The following TMEM272 variants were observed in gnomAD, a reference collection of about 807,000 sequenced individuals.
The protein encoded by TMEM272 is long intergenic non-protein coding RNA 282.
In TMEM272, 8 loss-of-function variants were observed where a neutral mutation model predicts 3.7. The observed-to-expected ratio is 2.17, with a 90% CI of 1.27 to 3.91. The LOEUF (loss-of-function observed/expected upper bound fraction) is 3.91, where lower values mean the gene tolerates loss of function less well. Ranked by LOEUF, TMEM272 falls within the 30% of genes most tolerant of loss-of-function variation. TMEM272 has a pLI of 0.00. For synonymous variants in TMEM272, 63 were observed against 39.8 expected (o/e 1.58, Z -2.20); for missense variants, 166 against 91.5 (o/e 1.81, Z -3.32).
the TMEM272 span, among the ~76,000 whole-genome samples, chr13:51,852,664 G>T: frequency 1.3e-5 from 2 of 152,142 alleles, no homozygotes; most frequent in African/African-American, 4.8e-5. Flanking sequence ...CAGATCATGA[G>T]GTCAAGAGAT....
At chr13:51,827,562 C>T (rs972273480) in intron 2 of TMEM272, among the ~76,000 whole-genome samples, 4 of 152,040 alleles carry the variant, frequency 2.6e-5, no homozygotes, top group African/African-American at 9.7e-5. Flanking sequence ...TAGGCCTGCC[C>T]CCCAGTTCCC....
At chr13:51,853,036 A>G in the TMEM272 span, among the ~76,000 whole-genome samples, 6 of 152,304 alleles carry the variant, frequency 3.9e-5, no homozygotes, top group South Asian at 1.2e-3. Context: ...ATAGTCAATT[A>G]GCATATGTTT....
At chr13:51,869,528 C>T in the TMEM272 span, among the ~76,000 whole-genome samples, 4 of 148,240 alleles carry the variant, frequency 2.7e-5, no homozygotes, top group Non-Finnish European at 5.9e-5. Flanking sequence ...CTCGCCCTGT[C>T]GCCCAGGCTG....
At position 51,838,490 on chromosome 13, in the gene TMEM272, G is replaced by A; in HGVS notation, c.41C>T (p.Ser14Phe). ...GLEKTCHQCI[S>F]KIASNACFVV... Reference sequence around the variant, plus strand: ...TGACTCACCATTGCTGGCGATTTTAGAAATGCACTGATGACACGTTTTCTC... The same window carrying A: ...TGACTCACCATTGCTGGCGATTTTAAAAATGCACTGATGACACGTTTTCTC... Residue 14 changes from serine to phenylalanine, a missense_variant, in exon 2 of 5, where the codon TCT (serine) becomes TTT (phenylalanine). Ser to Phe is a radical substitution (Grantham distance 155, BLOSUM62 -2). Coordinates refer to ENST00000629372, the MANE Select transcript of TMEM272 (RefSeq NM_001351003.2). 1 of 703,024 alleles carries A rather than the reference G, an allele frequency of 1.4e-6. No individual in the cohort carries two copies. Among genetic ancestry groups the A allele is most frequent in the Non-Finnish European group, 2.6e-6 (1 of 385,014 alleles). The allele number at this position is 703,024 out of a possible 1,614,324, so 43.5% of individuals were successfully genotyped here. A position where few individuals can be genotyped will look rare whatever the true frequency, so the allele number is the denominator to read the frequency against.
chr13:51,835,613 A>G (rs1412730147), intron 2 of TMEM272, among the ~76,000 whole-genome samples: 2 of 152,226 alleles, frequency 1.3e-5, no homozygotes, highest in Non-Finnish European at 2.9e-5. Flanking sequence ...TTTAGAAGTC[A>G]TTTGAAAGGA....
the TMEM272 span, among the ~76,000 whole-genome samples, chr13:51,861,330 AAG>A: frequency 1.3e-5 from 2 of 152,126 alleles, no homozygotes; most frequent in East Asian, 1.9e-4. Context: ...GATTTTTGCT[AAG>A]AGAGTAGATT....
At chr13:51,909,364 G>A in the TMEM272 span, 1 of 874,250 alleles carries the variant, frequency 1.1e-6, no homozygotes, top group Non-Finnish European at 1.9e-6. Flanking sequence ...TCAGTGGCAT[G>A]GCTGATCATT....
chr13:51,835,449 C>T (rs1372880862), intron 2 of TMEM272, among the ~76,000 whole-genome samples: 1 of 152,150 alleles, frequency 6.6e-6, no homozygotes, highest in Non-Finnish European at 1.5e-5. Flanking sequence ...TGGTCTCGAT[C>T]TCTTGACGTC....
upstream of TMEM272, among the ~76,000 whole-genome samples, chr13:51,847,596 A>AC (rs1956313203): frequency 6.6e-6 from 1 of 152,126 alleles, no homozygotes; most frequent in African/African-American, 2.4e-5. Flanking sequence ...CAGAACATAT[A>AC]CCCATGGTTC....
chr13:51,915,141 C>T, the TMEM272 span, among the ~76,000 whole-genome samples: 1 of 152,196 alleles, frequency 6.6e-6, no homozygotes, highest in Non-Finnish European at 1.5e-5. Flanking sequence ...AACCAATACA[C>T]TTCTGCAATA....
At chr13:51,861,484 C>A in the TMEM272 span, among the ~76,000 whole-genome samples, 1 of 151,882 alleles carries the variant, frequency 6.6e-6, no homozygotes, top group Non-Finnish European at 1.5e-5. Context: ...GATTCAACAG[C>A]ATATTTGAAC....
chr13:51,888,639 C>CTTTTTTTTTTTTTTTTTTTTTTTTTTTTT, the TMEM272 span, among the ~76,000 whole-genome samples: 9 of 76,794 alleles, frequency 1.2e-4, no homozygotes, highest in Admixed American at 1.9e-4. Flanking sequence ...TTTTCTTTTT[C>CTTTTTTTTTTTTTTTTTTTTTTTTTTTTT]TTTTTTTTTT....
At chr13:51,888,186 C>A in the TMEM272 span, among the ~76,000 whole-genome samples, 1 of 151,790 alleles carries the variant, frequency 6.6e-6, no homozygotes, top group East Asian at 2.0e-4. Flanking sequence ...GCTGGGATTA[C>A]AGGCACCCAC....
chr13:51,891,040 G>A, the TMEM272 span, among the ~76,000 whole-genome samples: 3 of 152,266 alleles, frequency 2.0e-5, no homozygotes, highest in South Asian at 2.1e-4. Flanking sequence ...TTTTTTAGGA[G>A]GGCTGTGACA....
chr13:51,912,376 G>A, the TMEM272 span, among the ~76,000 whole-genome samples: 1 of 152,122 alleles, frequency 6.6e-6, no homozygotes, highest in African/African-American at 2.4e-5. Context: ...TCACGTGGGG[G>A]CAGCAGCCTC....
At chr13:51,826,705 C>T (rs1956128792) in intron 2 of TMEM272, 80 bp from the exon 3 acceptor site, 1 of 695,678 alleles carries the variant, frequency 1.4e-6, no homozygotes, top group Non-Finnish European at 2.6e-6. Context: ...GTTTCTTAAG[C>T]ATCCTGTGAA....
chr13:51,838,715 G>A (rs947478341), intron 1 of TMEM272, among the ~76,000 whole-genome samples, 162 bp from the exon 2 acceptor site: 3 of 152,002 alleles, frequency 2.0e-5, no homozygotes, highest in Admixed American at 6.6e-5. Flanking sequence ...AGTGGTTAGC[G>A]GGGCTGAGAA....
chr13:51,906,908 G>C, the TMEM272 span, among the ~76,000 whole-genome samples: 1 of 152,250 alleles, frequency 6.6e-6, no homozygotes, highest in East Asian at 1.9e-4. Flanking sequence ...GAATGAGCTG[G>C]AACTCACTTC....
the TMEM272 span, chr13:51,908,359 C>A: frequency 2.7e-6 from 4 of 1,493,926 alleles, no homozygotes; most frequent in Non-Finnish European, 2.8e-6. Flanking sequence ...GGAGGAAAAC[C>A]CCTCGGTGGA....
Sources: allele counts gnomAD v4.1 joint callset (sites outside exome capture counted in the v4.1 genomes callset), GRCh38; gene constraint gnomAD v4.1.1; transcripts MANE v1.5; gene names NCBI Gene and HGNC (gene_info 2026-07-23, HGNC 2026-07-21).